HEATR5B: variants seen among roughly 807,000 people sequenced by gnomAD.
The protein encoded by HEATR5B is HEAT repeat-containing protein 5B.
A neutral mutation model predicts 224.1 loss-of-function variants in HEATR5B; 156 were observed. The ratio of observed to expected loss-of-function variants is 0.70; its 90% CI spans 0.61 to 0.80. The LOEUF (loss-of-function observed/expected upper bound fraction) is 0.80, where lower values mean the gene tolerates loss of function less well. Ranked by LOEUF, HEATR5B falls within the 30% of genes least tolerant of loss-of-function variation. The probability of loss-of-function intolerance (pLI) is 0.00; values close to 1 mark genes in which losing one functional copy is unlikely to be tolerated. For missense variants in HEATR5B, 2,323 were observed against 2,535.5 expected, an observed-to-expected ratio of 0.92 and a Z score of 1.80; for synonymous variants, 1,027 against 893.0, an observed-to-expected ratio of 1.15 and a Z score of -2.68.
intron 1 of HEATR5B, 70 bp from the exon 2 acceptor site, chr2:37,083,506 T>A: frequency 2.6e-6 from 3 of 1,149,684 alleles, no homozygotes; most frequent in Non-Finnish European, 3.7e-6. Context: ...TAATGGAATA[T>A]ACTCACTAAG....
At chr2:37,014,353 G>A (rs1184679485) in intron 26 of HEATR5B, among the ~76,000 whole-genome samples, 4 of 151,630 alleles carry the variant, frequency 2.6e-5, no homozygotes, top group Non-Finnish European at 5.9e-5. Flanking sequence ...TAGTAGAGAC[G>A]GGGTTTCACT....
At chr2:37,067,080 A>G (rs1671633562) in intron 8 of HEATR5B, among the ~76,000 whole-genome samples, 1 of 152,112 alleles carries the variant, frequency 6.6e-6, no homozygotes, top group Non-Finnish European at 1.5e-5. Context: ...CATGTTGGGC[A>G]GGCTGTTTTT....
At chr2:37,047,329 G>A (rs1014566533) in intron 18 of HEATR5B, among the ~76,000 whole-genome samples, 2 of 152,076 alleles carry the variant, frequency 1.3e-5, no homozygotes, top group Non-Finnish European at 2.9e-5. Flanking sequence ...TATTCCTAAA[G>A]AGCAGTTGTT....
intron 30 of HEATR5B, among the ~76,000 whole-genome samples, chr2:37,005,145 C>T (rs904567044): frequency 4.6e-5 from 7 of 152,166 alleles, no homozygotes; most frequent in Admixed American, 2.0e-4. Flanking sequence ...CCATTCATAT[C>T]GGCCATAGTA....
intron 22 of HEATR5B, 54 bp from the exon 23 acceptor site, chr2:37,028,974 G>A: frequency 6.4e-7 from 1 of 1,559,110 alleles, no homozygotes; most frequent in South Asian, 1.2e-5. Flanking sequence ...GTACGCTATA[G>A]GTAACAATTA....
At chr2:37,003,474 G>A (rs536360534) in intron 31 of HEATR5B, 68 bp downstream of exon 31, 25 of 1,157,332 alleles carry the variant, frequency 2.2e-5, no homozygotes, top group Admixed American at 1.1e-4. Flanking sequence ...ATGTCCTGGC[G>A]TTAATATTTT....
chr2:37,060,765 T>C (rs201701067), intron 11 of HEATR5B, 32 bp from the exon 12 acceptor site: 6 of 1,595,798 alleles, frequency 3.8e-6, no homozygotes, highest in Non-Finnish European at 4.3e-6. Context: ...CAAAACCATG[T>C]ATATGTAACA....
intron 10 of HEATR5B, among the ~76,000 whole-genome samples, chr2:37,063,550 G>C (rs980995612): frequency 2.0e-5 from 3 of 152,144 alleles, no homozygotes; most frequent in African/African-American, 7.2e-5. Context: ...AAGATGGAAA[G>C]TCTGAGGAAG....
At position 37,028,000 on chromosome 2, in the gene HEATR5B, A is replaced by T; in HGVS notation, c.3776T>A (p.Ile1259Asn). ...VFAADCLCRI[I>N]NLCENADQAH... ...CTGGTCTGCATTCTCACACAAATTG[A>T]TGATTCGACACAGGCAATCGGCAGC... The change falls in exon 24 of 36, where the codon ATC (isoleucine) becomes AAC (asparagine). Residue 1259 changes from isoleucine to asparagine, a missense_variant. By Grantham distance (149) the Ile-to-Asn change is moderately radical (BLOSUM62 -3). Around this residue, in one of 12 missense-constraint regions of HEATR5B, gnomAD observed 339 missense variants for 378.4 expected, o/e 0.90. Transcript: ENST00000233099. 1 of 1,614,176 alleles carries T rather than the reference A, an allele frequency of 6.2e-7. No homozygotes were observed. The highest frequency in any genetic ancestry group is 1.1e-5 in the South Asian group (1 of 91,086).
In HEATR5B at chr2:37,062,010, G is replaced by T; in HGVS notation, c.1625C>A (p.Ala542Asp). The change falls in exon 11 of 36, where the codon GCC becomes GAC. Residue 542 changes from alanine to aspartate, a missense_variant. Ala to Asp is a moderately radical substitution (Grantham distance 126). Around this residue, in one of 12 missense-constraint regions of HEATR5B, gnomAD observed 502 missense variants for 517.8 expected, o/e 0.97. Coordinates refer to ENST00000233099, the MANE Select transcript of HEATR5B (RefSeq NM_019024.3). ...CTGTAAAGATAGCCTGCTATTTTGG[G>T]CAGCAGTTCGTAAAAGATCTTCAGC... ...SIAEDLLRTA[A>D]QNSRLSLQRT... 6.2e-7 allele frequency: 1 copy of T among 1,613,710 alleles called. No individual in the cohort carries two copies. The highest frequency in any genetic ancestry group is 8.5e-7 in the Non-Finnish European group (1 of 1,179,714).
At chr2:37,026,045 A>C (rs890585990) in intron 24 of HEATR5B, among the ~76,000 whole-genome samples, 2 of 152,158 alleles carry the variant, frequency 1.3e-5, no homozygotes, top group Non-Finnish European at 2.9e-5. Flanking sequence ...AGTCTAAAAC[A>C]TGGAGACTGG....
At position 37,064,993 on chromosome 2, in the gene HEATR5B, A is replaced by C; in HGVS notation, c.1334-3T>G. On this transcript the variant is annotated splice_polypyrimidine_tract_variant and splice_region_variant and intron_variant, in intron 9 of 35. Coordinates refer to ENST00000233099, the MANE Select transcript of HEATR5B (RefSeq NM_019024.3). ...TGAAGTCACAATCTCCAAAAGCCCTAAACAAGAAATACTCAAAATATTACT... is the reference window on the plus strand; with the variant it reads ...TGAAGTCACAATCTCCAAAAGCCCTCAACAAGAAATACTCAAAATATTACT... 1 of 1,613,272 alleles carries C rather than the reference A, an allele frequency of 6.2e-7. No individual in the cohort carries two copies. Among genetic ancestry groups the C allele is most frequent in the Non-Finnish European group, 8.5e-7 (1 of 1,179,320 alleles).
chr2:37,063,930 G>C (rs2148568330), intron 10 of HEATR5B, among the ~76,000 whole-genome samples: 1 of 152,060 alleles, frequency 6.6e-6, no homozygotes, highest in Non-Finnish European at 1.5e-5. Flanking sequence ...TCCTGCCTCA[G>C]CCTCCCAAGT....
Position 37,064,870 on chromosome 2 carries a change from TC to T in HEATR5B, c.1453del (p.Asp485ThrfsTer10). On this transcript the variant is annotated frameshift_variant, in exon 10 of 36. Coordinates refer to ENST00000233099, the MANE Select transcript of HEATR5B (RefSeq NM_019024.3). LOFTEE classifies it high-confidence loss of function. ...GTTGTTGAGCCGTTCTGCACACCTGTCTAGAAATGGTGTCAGCTGGAAAGGT... is the reference window on the plus strand; with the variant it reads ...GTTGTTGAGCCGTTCTGCACACCTGTTAGAAATGGTGTCAGCTGGAAAGGT... ...ALPFQLTPFL[D>X]RCAERLNNLK... The T allele has an allele frequency of 6.2e-7, 1 of 1,614,056 alleles. No homozygotes were observed. Among genetic ancestry groups the T allele is most frequent in the Admixed American group, 1.7e-5 (1 of 59,974 alleles).
At chr2:36,994,426 TG>T (rs1175732146) in intron 33 of HEATR5B, among the ~76,000 whole-genome samples, 1 of 152,174 alleles carries the variant, frequency 6.6e-6, no homozygotes, top group African/African-American at 2.4e-5. Context: ...TGCCAGATTT[TG>T]TAACAGGAAA....
intron 2 of HEATR5B, among the ~76,000 whole-genome samples, chr2:37,081,091 C>G (rs1672533921): frequency 6.6e-6 from 1 of 152,152 alleles, no homozygotes; most frequent in Admixed American, 6.5e-5. Context: ...ATACTGACCA[C>G]TGTTCTGGGC....
intron 26 of HEATR5B, among the ~76,000 whole-genome samples, chr2:37,016,405 C>T (rs1375928968): frequency 6.6e-6 from 1 of 152,078 alleles, no homozygotes; most frequent in African/African-American, 2.4e-5. Context: ...GCCACCGCGC[C>T]CGGCCACATG....
chr2:36,984,215 A>AAAAAAAAAAAT lies in HEATR5B; in HGVS notation c.5912-2422_5912-2421insATTTTTTTTTT. 5.3e-4 allele frequency among the ~76,000 whole-genome samples: 41 copies of AAAAAAAAAAAT among 77,634 alleles called. 1 individual carries two copies. Among genetic ancestry groups the AAAAAAAAAAAT allele is most frequent in the African/African-American group, 2.2e-3 (38 of 17,048 alleles). 50.9% of individuals were successfully genotyped at this position (77,634 alleles called of 152,430 possible). ...AACTCTGTCTCAAAAAAAAAAAAAA[A>AAAAAAAAAAAT]ATATATATATATATATATATATAAA... On this transcript the variant is annotated intron_variant, in intron 35 of 35. Coordinates refer to ENST00000233099, the MANE Select transcript of HEATR5B (RefSeq NM_019024.3).
chr2:37,003,260 CAAAAAAAAAA>C (rs757178937), intron 31 of HEATR5B, among the ~76,000 whole-genome samples: 5 of 56,898 alleles, frequency 8.8e-5, no homozygotes, highest in Admixed American at 5.4e-4. Context: ...GTCCCGCCCG[CAAAAAAAAAA>C]AAAAAAAAAA....
Sources: allele counts gnomAD v4.1 joint callset (sites outside exome capture counted in the v4.1 genomes callset), GRCh38; gene constraint gnomAD v4.1.1; regional missense constraint gnomAD v4.1.1; transcripts MANE v1.5; gene names NCBI Gene and HGNC (gene_info 2026-07-23, HGNC 2026-07-21).